The following TTC39B variants were observed in gnomAD, a reference collection of about 807,000 sequenced individuals.
TTC39B encodes tetratricopeptide repeat protein 39B.
TTC39B carries 92 observed loss-of-function variants against 96.6 expected under a neutral mutation model. The ratio of observed to expected loss-of-function variants is 0.95; its 90% confidence interval spans 0.80 to 1.13. TTC39B has a LOEUF of 1.13. TTC39B is among the 50% of genes most tolerant of loss of function. The probability of loss-of-function intolerance (pLI) is 0.00; values close to 1 mark genes in which losing one functional copy is unlikely to be tolerated. For missense variants in TTC39B, 955 were observed against 809.3 expected (o/e 1.18, Z -2.18); for synonymous variants, 367 against 299.4 (o/e 1.23, Z -2.33).
At chr9:15,245,640 G>T (rs1216614101) in intron 2 of TTC39B, among the ~76,000 whole-genome samples, 1 of 152,110 alleles carries the variant, frequency 6.6e-6, no homozygotes, top group Non-Finnish European at 1.5e-5. Context: ...AATGACTACA[G>T]CCCCAAACCA....
intron 15 of TTC39B, among the ~76,000 whole-genome samples, chr9:15,185,811 A>T (rs1818494750): frequency 6.6e-6 from 1 of 152,212 alleles, no homozygotes; most frequent in East Asian, 1.9e-4. Flanking sequence ...ACTCAGGGAG[A>T]GAGAAGAGGG....
intron 2 of TTC39B, among the ~76,000 whole-genome samples, chr9:15,254,828 T>C (rs995811989): frequency 7.0e-6 from 1 of 143,844 alleles, no homozygotes; most frequent in Middle Eastern, 3.5e-3. Flanking sequence ...CATAACTTTA[T>C]ACACACACAC....
intron 2 of TTC39B, among the ~76,000 whole-genome samples, chr9:15,238,605 A>G (rs940623379): frequency 6.6e-6 from 1 of 152,244 alleles, no homozygotes; most frequent in African/African-American, 2.4e-5. Context: ...GAAGAACAAC[A>G]AAACACTGAT....
chr9:15,282,260 C>G (rs1451386233), intron 1 of TTC39B, among the ~76,000 whole-genome samples: 1 of 151,978 alleles, frequency 6.6e-6, no homozygotes, highest in Non-Finnish European at 1.5e-5. Flanking sequence ...TATACATTAT[C>G]CACCAAAAAA....
chr9:15,271,588 T>C (rs568340361), intron 1 of TTC39B, among the ~76,000 whole-genome samples: 8 of 151,946 alleles, frequency 5.3e-5, no homozygotes, highest in African/African-American at 1.9e-4. Context: ...CCACCGCTGA[T>C]CTAACACGGG....
exon 20 of TTC39B, chr9:15,168,265 C>T (rs1242706699): frequency 6.6e-6 from 1 of 152,226 alleles, no homozygotes; most frequent in Non-Finnish European, 1.5e-5. Context: ...ACACGGTTTA[C>T]AGGCTCATGA....
intron 2 of TTC39B, among the ~76,000 whole-genome samples, chr9:15,255,128 T>C (rs1345965242): frequency 6.6e-6 from 1 of 152,000 alleles, no homozygotes; most frequent in East Asian, 1.9e-4. Context: ...TTCTAGACAA[T>C]AAAAATAAAA....
intron 1 of TTC39B, among the ~76,000 whole-genome samples, chr9:15,304,470 A>C (rs1418244390): frequency 6.6e-6 from 1 of 152,180 alleles, no homozygotes; most frequent in Admixed American, 6.5e-5. Flanking sequence ...TATGCTCCCG[A>C]ATTTATCATA....
exon 20 of TTC39B, chr9:15,170,147 A>T (rs1197189917): frequency 4.8e-5 from 1 of 20,668 alleles, no homozygotes; most frequent in Non-Finnish European, 8.2e-5. Context: ...TCTGTACCTA[A>T]AGTTGTATTA....
intron 1 of TTC39B, among the ~76,000 whole-genome samples, chr9:15,281,083 C>T (rs1823744510): frequency 6.6e-6 from 1 of 151,780 alleles, no homozygotes; most frequent in East Asian, 1.9e-4. Context: ...ATCCCAGCAT[C>T]TAGCCCAGAT....
At chr9:15,226,134 T>C (rs545104964) in intron 2 of TTC39B, 122 bp from the exon 3 acceptor site, 11 of 711,712 alleles carry the variant, frequency 1.5e-5, no homozygotes, top group African/African-American at 1.4e-4. Context: ...CTCCATTTCT[T>C]ATCAATTTTA....
At chr9:15,251,706 TATA>T (rs1173819031) in intron 2 of TTC39B, among the ~76,000 whole-genome samples, 1 of 68,470 alleles carries the variant, frequency 1.5e-5, no homozygotes, top group Non-Finnish European at 2.5e-5. Flanking sequence ...TATACATATA[TATA>T]TATATATATA....
chr9:15,242,384 C>A (rs1822083802), intron 2 of TTC39B, among the ~76,000 whole-genome samples: 1 of 152,068 alleles, frequency 6.6e-6, no homozygotes, highest in Non-Finnish European at 1.5e-5. Context: ...GAGTTTGAGA[C>A]CAGCCTGGGC....
At chr9:15,221,820 C>T (rs1820859059) in intron 3 of TTC39B, among the ~76,000 whole-genome samples, 1 of 152,216 alleles carries the variant, frequency 6.6e-6, no homozygotes, top group South Asian at 2.1e-4. Context: ...AATGCCCCTT[C>T]TTCCTATCCT....
At chr9:15,230,621 T>C (rs1411469385) in intron 2 of TTC39B, among the ~76,000 whole-genome samples, 1 of 152,244 alleles carries the variant, frequency 6.6e-6, no homozygotes, top group Non-Finnish European at 1.5e-5. Context: ...GTTAGTCATT[T>C]GTTGATAATA....
At chr9:15,249,711 G>T (rs996167139) in intron 2 of TTC39B, 8 of 226,594 alleles carry the variant, frequency 3.5e-5, no homozygotes, top group African/African-American at 1.9e-4. Flanking sequence ...AAAAAGGTTG[G>T]GGGGAGGGTC....
chr9:15,177,831 T>A lies in TTC39B; in HGVS notation c.1724-17A>T. The stretch of plus-strand genomic sequence containing the variant: ...TGTTAAAATCTTAAAACAAAAAACA[T>A]ACAAAGAAAACACACAAAGAAAAAT... On this transcript the variant is annotated splice_polypyrimidine_tract_variant and intron_variant, in intron 17 of 19. Coordinates refer to ENST00000512701, the Ensembl canonical transcript of TTC39B. 57 of 1,140,584 alleles carry A rather than the reference T, an allele frequency of 5.0e-5. No homozygotes were observed. Among genetic ancestry groups the A allele is most frequent in the Non-Finnish European group, 6.7e-5 (52 of 777,082 alleles). The allele number at this position is 1,140,584 out of a possible 1,614,324, so 70.7% of individuals were successfully genotyped here.
chr9:15,188,306 CTCTT>C (rs1294227275), intron 13 of TTC39B, among the ~76,000 whole-genome samples, 174 bp from the exon 14 acceptor site: 3 of 152,250 alleles, frequency 2.0e-5, no homozygotes, highest in Admixed American at 1.3e-4. Context: ...TAAGTTCTGC[CTCTT>C]TCTTTAATTT....
exon 20 of TTC39B, chr9:15,163,633 G>C (rs1817470982): frequency 6.6e-6 from 1 of 152,124 alleles, no homozygotes; most frequent in Non-Finnish European, 1.5e-5. Context: ...TCCATCAAAT[G>C]TAATTTATTT....
Sources: gnomAD v4.1 joint callset for allele counts (sites outside exome capture counted in the v4.1 genomes callset) on GRCh38, gnomAD v4.1.1 for gene constraint, MANE v1.5 for transcripts, NCBI Gene and HGNC (gene_info 2026-07-23, HGNC 2026-07-21) for gene names.